FGF1: variants seen among roughly 807,000 people sequenced by gnomAD.
The protein encoded by FGF1 is beta-endothelial cell growth factor.
Under a neutral mutation model 13.4 loss-of-function variants are expected in FGF1, and 9 were observed. That is an observed-to-expected ratio of 0.67 (90% CI 0.40 to 1.17). The LOEUF (loss-of-function observed/expected upper bound fraction) is 1.17. Among genes scored for constraint, FGF1 ranks in the 50% most tolerant of loss-of-function variants. The pLI is 0.01. For synonymous variants in FGF1, 93 were observed against 79.0 expected (o/e 1.18, Z -0.94); for missense variants, 156 against 192.7 (o/e 0.81, Z 1.13).
At position 142,614,128 on chromosome 5, in the gene FGF1, G is replaced by T. The variant is rs1759691780; in HGVS notation, c.-1C>A. 2.5e-6 allele frequency: 4 copies of T among 1,614,044 alleles called. No individual in the cohort carries two copies. Among genetic ancestry groups the T allele is most frequent in the Admixed American group, 3.3e-5 (2 of 60,004 alleles). The stretch of plus-strand genomic sequence containing the variant: ...AGGTGGTGATTTCCCCTTCAGCCAT[G>T]GCTCAGCAGCTGCTGCTTGTGGCGC... On this transcript the variant is annotated 5_prime_UTR_variant, in exon 2 of 4. Transcript: ENST00000337706.
intron 1 of FGF1, among the ~76,000 whole-genome samples, chr5:142,640,871 C>T (rs1765092342): frequency 6.6e-6 from 1 of 151,928 alleles, no homozygotes; most frequent in South Asian, 2.1e-4. Flanking sequence ...TGGGAATCTT[C>T]AACTCCTCGA....
rs573920918 is a variant in FGF1, at chr5:142,696,514, G to T, written c.-35+1108C>A. On this transcript the variant is annotated intron_variant, in intron 2 of 4. Coordinates refer to the FGF1 transcript ENST00000407758. ...GAGATTCTAGCTAGAACTAGAAAGG[G>T]AAGCACCTGTTCTTGTACGGTGCTG... Among the ~76,000 whole-genome samples, 83 of 152,308 alleles carry T rather than the reference G, an allele frequency of 5.4e-4. 1 individual carries two copies. In the South Asian group the frequency reaches 0.017, roughly 31 times the overall value.
At chr5:142,615,807 C>T (rs1482551666) in intron 1 of FGF1, among the ~76,000 whole-genome samples, 1 of 152,166 alleles carries the variant, frequency 6.6e-6, no homozygotes, top group African/African-American at 2.4e-5. Flanking sequence ...CCCAATTTGC[C>T]CTTGATCACC....
chr5:142,595,564 C>T, intron 3 of FGF1, 80 bp from the exon 4 acceptor site: 1 of 1,219,332 alleles, frequency 8.2e-7, no homozygotes, highest in Non-Finnish European at 1.2e-6. Context: ...AGCTGTGTGA[C>T]ATTGGGCAAA....
At chr5:142,679,414 C>T (rs560695459) in intron 1 of FGF1, among the ~76,000 whole-genome samples, 43 of 152,216 alleles carry the variant, frequency 2.8e-4, no homozygotes, top group Non-Finnish European at 5.7e-4. Context: ...GTCAAGTTCC[C>T]CTGCCATGTG....
intron 1 of FGF1, among the ~76,000 whole-genome samples, chr5:142,626,513 G>C (rs1444352218): frequency 1.3e-5 from 2 of 152,202 alleles, no homozygotes; most frequent in African/African-American, 2.4e-5. Flanking sequence ...GTGGATAAGA[G>C]AATAAAATGC....
chr5:142,596,931 A>T (rs565978384), intron 3 of FGF1, among the ~76,000 whole-genome samples: 20 of 152,204 alleles, frequency 1.3e-4, no homozygotes, highest in Non-Finnish European at 2.8e-4. Flanking sequence ...ATGGATATAG[A>T]CTTATGATAT....
intron 1 of FGF1, among the ~76,000 whole-genome samples, chr5:142,640,520 G>A (rs1255072961): frequency 3.3e-5 from 5 of 151,606 alleles, no homozygotes; most frequent in African/African-American, 1.2e-4. Flanking sequence ...ACCTAAGCCT[G>A]TCTTGTGGGC....
At chr5:142,601,215 G>C in intron 2 of FGF1, 2 of 458,392 alleles carry the variant, frequency 4.4e-6, no homozygotes, top group Non-Finnish European at 8.8e-6. Context: ...GATCTGGCCA[G>C]CCTGCATGTG....
chr5:142,645,135 C>G (rs1426291251), intron 1 of FGF1, among the ~76,000 whole-genome samples: 1 of 152,110 alleles, frequency 6.6e-6, no homozygotes, highest in Non-Finnish European at 1.5e-5. Context: ...AAGCTCCCAG[C>G]TTAAAATGGA....
chr5:142,638,906 G>A (rs1003423607), intron 1 of FGF1, among the ~76,000 whole-genome samples: 6 of 151,922 alleles, frequency 3.9e-5, no homozygotes, highest in African/African-American at 1.5e-4. Flanking sequence ...ATGGCCAGCA[G>A]GTACAGGTAA....
chr5:142,607,549 C>T (rs577222088), intron 2 of FGF1, among the ~76,000 whole-genome samples: 43 of 152,198 alleles, frequency 2.8e-4, no homozygotes, highest in African/African-American at 9.4e-4. Context: ...GGTACTCTAA[C>T]GATAGAAATT....
At chr5:142,693,859 T>C (rs1260196285) in intron 2 of FGF1, among the ~76,000 whole-genome samples, 1 of 152,232 alleles carries the variant, frequency 6.6e-6, no homozygotes, top group Non-Finnish European at 1.5e-5. Flanking sequence ...ATTTCTTTCC[T>C]TTTTATTGCT....
At chr5:142,646,145 G>A (rs112735741) in intron 1 of FGF1, among the ~76,000 whole-genome samples, 5,955 of 150,074 alleles carry the variant, frequency 0.04, 169 homozygotes, top group Non-Finnish European at 0.061. Flanking sequence ...TCCTGACCTC[G>A]TGATCCGCCT....
chr5:142,606,769 T>G (rs1271578942), intron 2 of FGF1, among the ~76,000 whole-genome samples: 1 of 152,152 alleles, frequency 6.6e-6, no homozygotes, highest in African/African-American at 2.4e-5. Flanking sequence ...GGAGAGGAAT[T>G]GAGGAAATGT....
chr5:142,681,207 A>G (rs1166600663), intron 1 of FGF1, among the ~76,000 whole-genome samples: 1 of 152,212 alleles, frequency 6.6e-6, no homozygotes, highest in Non-Finnish European at 1.5e-5. Context: ...CATTTTAAAT[A>G]TAATATTTAG....
chr5:142,616,242 T>C (rs1760207552), intron 1 of FGF1, among the ~76,000 whole-genome samples: 1 of 152,198 alleles, frequency 6.6e-6, no homozygotes, highest in Non-Finnish European at 1.5e-5. Flanking sequence ...TTTTCTCTGC[T>C]CCTGGCATTT....
chr5:142,688,499 G>T (rs1751623742), upstream of FGF1, among the ~76,000 whole-genome samples: 1 of 152,146 alleles, frequency 6.6e-6, no homozygotes, highest in South Asian at 2.1e-4. Context: ...AATAGTCAGT[G>T]GAAATAATAG....
chr5:142,654,708 G>C (rs1392250320), intron 1 of FGF1, among the ~76,000 whole-genome samples: 5 of 152,140 alleles, frequency 3.3e-5, no homozygotes, highest in Non-Finnish European at 7.3e-5. Flanking sequence ...TGCTGTCTTC[G>C]ACTCCATGAA....
Sources: allele counts gnomAD v4.1 joint callset (sites outside exome capture counted in the v4.1 genomes callset), GRCh38; gene constraint gnomAD v4.1.1; transcripts MANE v1.5; gene names NCBI Gene and HGNC (gene_info 2026-07-23, HGNC 2026-07-21).